Variants in ANKS1B observed in about 807,000 individuals in gnomAD.
ANKS1B encodes ankyrin repeat and sterile alpha motif domain containing 1B.
A neutral mutation model predicts 148.3 loss-of-function variants in ANKS1B; 36 were observed. That is an observed-to-expected ratio of 0.24 (90% CI 0.19 to 0.32). The LOEUF (loss-of-function observed/expected upper bound fraction) is 0.32, where lower values mean the gene tolerates loss of function less well. ANKS1B is among the 10% of genes least tolerant of loss of function. ANKS1B has a pLI of 1.00. For synonymous variants in ANKS1B, 542 were observed against 560.8 expected (o/e 0.97, Z 0.47); for missense variants, 1,157 against 1,542.6 (o/e 0.75, Z 4.19).
Position 99,546,824 on chromosome 12 carries a change from G to A in ANKS1B, c.1273-42183C>T, listed in dbSNP as rs992230632. Among the ~76,000 whole-genome samples, 4 of 152,308 alleles carry A rather than the reference G, an allele frequency of 2.6e-5. No individual in the cohort carries two copies. In the East Asian group the frequency reaches 7.7e-4, roughly 29 times the overall value. ...GTCTAGTTCTAGTAAGGGGAAAGGAGCTCAGTAAGGTTGGAGAAGTAGGCA... is the reference window on the plus strand; with the variant it reads ...GTCTAGTTCTAGTAAGGGGAAAGGAACTCAGTAAGGTTGGAGAAGTAGGCA... On this transcript the variant is annotated intron_variant, in intron 9 of 26. Transcript: ENST00000683438.
chr12:98,861,565 T>C (rs1039910066), intron 17 of ANKS1B, among the ~76,000 whole-genome samples: 2 of 152,142 alleles, frequency 1.3e-5, no homozygotes, highest in African/African-American at 4.8e-5. Flanking sequence ...ATTAACAATG[T>C]TTGAAGAAAA....
intron 8 of ANKS1B, among the ~76,000 whole-genome samples, chr12:99,659,596 A>G (rs11837846): frequency 6.6e-5 from 10 of 152,112 alleles, no homozygotes; most frequent in African/African-American, 2.4e-4. Context: ...TTAGTCTAAC[A>G]TTGAAGAAAT....
At chr12:99,745,287 T>C (rs928212885) in intron 8 of ANKS1B, among the ~76,000 whole-genome samples, 5 of 152,180 alleles carry the variant, frequency 3.3e-5, no homozygotes, top group Non-Finnish European at 4.4e-5. Flanking sequence ...TTAAGAAACA[T>C]TGATGTTGCA....
In ANKS1B at chr12:99,936,762, T is replaced by C. The variant is rs139904215; in HGVS notation, c.134+47342A>G. 4.8e-3 allele frequency among the ~76,000 whole-genome samples: 733 copies of C among 152,282 alleles called. 10 individuals are homozygous for C. The highest frequency in any genetic ancestry group is 0.017 in the African/African-American group (689 of 41,548). ...CTCTTTATTACTTTTTTCCCGCTAT[T>C]TTCAGCCATTACTTTTGTGACCTTG... is the stretch of plus-strand genomic sequence containing the variant. On this transcript the variant is annotated intron_variant, in intron 1 of 26. Coordinates refer to ENST00000683438, the MANE Select transcript of ANKS1B (RefSeq NM_001352186.2).
intron 11 of ANKS1B, among the ~76,000 whole-genome samples, chr12:99,433,691 C>T (rs2095415058): frequency 6.6e-6 from 1 of 152,028 alleles, no homozygotes; most frequent in Admixed American, 6.5e-5. Flanking sequence ...TGGACATGAG[C>T]CTGGAGTTCA....
At chr12:98,969,139 T>G (rs975380286) in intron 17 of ANKS1B, among the ~76,000 whole-genome samples, 1 of 152,178 alleles carries the variant, frequency 6.6e-6, no homozygotes, top group Non-Finnish European at 1.5e-5. Context: ...AAGGATATGC[T>G]TGTGAAATGT....
At chr12:99,697,489 G>C (rs2054109559) in intron 8 of ANKS1B, among the ~76,000 whole-genome samples, 1 of 152,052 alleles carries the variant, frequency 6.6e-6, no homozygotes, top group Admixed American at 6.6e-5. Flanking sequence ...AGTCTGAAAA[G>C]GCTACTTACT....
At chr12:99,626,961 A>C (rs1449465482) in intron 9 of ANKS1B, among the ~76,000 whole-genome samples, 1 of 152,134 alleles carries the variant, frequency 6.6e-6, no homozygotes, top group Non-Finnish European at 1.5e-5. Context: ...CTGGCCATTC[A>C]AAGGATATAA....
At chr12:99,567,151 A>G (rs2097403356) in intron 9 of ANKS1B, among the ~76,000 whole-genome samples, 1 of 152,188 alleles carries the variant, frequency 6.6e-6, no homozygotes, top group African/African-American at 2.4e-5. Flanking sequence ...TACTCAGGTC[A>G]TTGGAAGAAT....
chr12:99,570,329 T>C (rs2097439360), intron 9 of ANKS1B, among the ~76,000 whole-genome samples: 1 of 144,212 alleles, frequency 6.9e-6, no homozygotes, highest in African/African-American at 2.5e-5. Context: ...TTGAGCTTTA[T>C]AATACTCCAG....
intron 7 of ANKS1B, among the ~76,000 whole-genome samples, chr12:99,773,360 GAA>G (rs1371264166): frequency 1.3e-5 from 2 of 151,922 alleles, no homozygotes. Context: ...AAAGCATCTG[GAA>G]TTACAATTCC....
intron 17 of ANKS1B, among the ~76,000 whole-genome samples, chr12:98,970,142 C>T (rs1241167580): frequency 1.3e-5 from 2 of 152,200 alleles, no homozygotes; most frequent in African/African-American, 4.8e-5. Context: ...CACAACTCTT[C>T]TCAATATGTA....
At chr12:98,818,073 C>A (rs2099155593) in intron 19 of ANKS1B, among the ~76,000 whole-genome samples, 1 of 151,986 alleles carries the variant, frequency 6.6e-6, no homozygotes, top group Admixed American at 6.6e-5. Flanking sequence ...CACTGTCTTC[C>A]CAAGTTTAAG....
chr12:99,158,664 T>C (rs919868936), intron 14 of ANKS1B, among the ~76,000 whole-genome samples: 18 of 151,802 alleles, frequency 1.2e-4, no homozygotes, highest in Non-Finnish European at 2.4e-4. Flanking sequence ...CCTAAGAGCA[T>C]ATAATGTAAA....
chr12:99,948,079 A>T (rs962465155), intron 1 of ANKS1B, among the ~76,000 whole-genome samples: 42 of 152,174 alleles, frequency 2.8e-4, no homozygotes, highest in African/African-American at 1.0e-3. Flanking sequence ...TATATCTCAA[A>T]ACCCCTTGTG....
intron 14 of ANKS1B, among the ~76,000 whole-genome samples, chr12:99,219,976 G>A (rs905370272): frequency 1.3e-5 from 2 of 152,200 alleles, no homozygotes; most frequent in African/African-American, 4.8e-5. Context: ...AGGAGAATAT[G>A]AGCTCCCAAA....
At chr12:99,647,894 C>T in intron 9 of ANKS1B, 2 of 417,280 alleles carry the variant, frequency 4.8e-6, no homozygotes, top group Non-Finnish European at 4.3e-6. Flanking sequence ...ACCTGTGTGC[C>T]CGGACATCCA....
chr12:99,172,295 C>G (rs1423572068), intron 14 of ANKS1B, among the ~76,000 whole-genome samples: 2 of 152,116 alleles, frequency 1.3e-5, no homozygotes, highest in Admixed American at 1.3e-4. Context: ...GAACTCTTTT[C>G]TTTCCTGAGA....
At chr12:99,747,977 G>GA (rs11379213) in intron 8 of ANKS1B, among the ~76,000 whole-genome samples, 66,379 of 151,892 alleles carry the variant, frequency 0.44, 14,905 homozygotes, top group South Asian at 0.61. Context: ...CTTCTATATT[G>GA]AAGCACTTTT....
Sources: allele counts gnomAD v4.1 joint callset (sites outside exome capture counted in the v4.1 genomes callset), GRCh38; gene constraint gnomAD v4.1.1; transcripts MANE v1.5; gene names NCBI Gene and HGNC (gene_info 2026-07-23, HGNC 2026-07-21).